Variants in GRM5 observed in about 807,000 individuals in gnomAD.
GRM5 encodes glutamate metabotropic receptor 5, also known as metabotropic glutamate receptor 5.
A neutral mutation model predicts 83.1 loss-of-function variants in GRM5; 19 were observed. That is an observed-to-expected ratio of 0.23 (90% CI 0.16 to 0.34). The LOEUF (loss-of-function observed/expected upper bound fraction) is 0.34. Ranked by LOEUF, GRM5 falls within the 10% of genes least tolerant of loss-of-function variation. GRM5 has a pLI of 1.00. For missense variants in GRM5, 1,160 were observed against 1,588.3 expected, an observed-to-expected ratio of 0.73 and a Z score of 4.58; for synonymous variants, 675 against 633.6, an observed-to-expected ratio of 1.07 and a Z score of -0.98.
At chr11:88,678,486 C>T (rs1014163015) in intron 3 of GRM5, among the ~76,000 whole-genome samples, 1 of 152,104 alleles carries the variant, frequency 6.6e-6, no homozygotes, top group Admixed American at 6.6e-5. Context: ...AACCTTTCAA[C>T]ATAGGTTAGC....
intron 2 of GRM5, among the ~76,000 whole-genome samples, chr11:88,875,236 C>T (rs1944831823): frequency 6.6e-6 from 1 of 151,996 alleles, no homozygotes; most frequent in African/African-American, 2.4e-5. Flanking sequence ...AAATCATTCT[C>T]ATTTCATCAA....
intron 2 of GRM5, among the ~76,000 whole-genome samples, chr11:88,968,541 T>G (rs1311833140): frequency 1.3e-5 from 2 of 151,994 alleles, no homozygotes; most frequent in Non-Finnish European, 2.9e-5. Flanking sequence ...ATAAAAAACT[T>G]AGCTGGGTGT....
intron 3 of GRM5, among the ~76,000 whole-genome samples, chr11:88,709,180 T>C (rs1480300938): frequency 6.6e-6 from 1 of 151,928 alleles, no homozygotes; most frequent in East Asian, 1.9e-4. Context: ...AGGAGTTGCT[T>C]AGTGATATGG....
At chr11:88,766,118 T>C (rs1250769479) in intron 3 of GRM5, among the ~76,000 whole-genome samples, 2 of 151,920 alleles carry the variant, frequency 1.3e-5, no homozygotes, top group African/African-American at 4.8e-5. Flanking sequence ...ATTATTAAAA[T>C]GGCCATATTG....
At chr11:88,889,239 T>C (rs999588406) in intron 2 of GRM5, among the ~76,000 whole-genome samples, 6 of 152,132 alleles carry the variant, frequency 3.9e-5, no homozygotes, top group Admixed American at 1.3e-4. Context: ...AAGAGGAAAG[T>C]ATATTTTAAG....
intron 8 of GRM5, among the ~76,000 whole-genome samples, chr11:88,564,910 C>T (rs1252197019): frequency 2.0e-5 from 3 of 152,114 alleles, no homozygotes; most frequent in Non-Finnish European, 4.4e-5. Flanking sequence ...GTTTGTGCTG[C>T]CGTTTATAGT....
chr11:89,020,840 C>A (rs1591054128), intron 2 of GRM5, among the ~76,000 whole-genome samples: 2 of 152,132 alleles, frequency 1.3e-5, no homozygotes, highest in South Asian at 4.1e-4. Flanking sequence ...TCTCAAATAT[C>A]CTTCCATGTA....
chr11:88,763,307 G>T (rs1054095307), intron 3 of GRM5, among the ~76,000 whole-genome samples: 2 of 151,694 alleles, frequency 1.3e-5, no homozygotes, highest in African/African-American at 4.8e-5. Context: ...AGGGACACTA[G>T]ATAATAACTC....
intron 2 of GRM5, among the ~76,000 whole-genome samples, chr11:88,877,796 C>G (rs603589): frequency 0.3 from 44,454 of 147,444 alleles, 6,898 homozygotes; most frequent in South Asian, 0.52. Context: ...TGCTGCTGCA[C>G]TTTAGCCTAG....
At position 88,567,099 on chromosome 11, in the gene GRM5, G is replaced by T. The variant is rs201352068; in HGVS notation, c.2584C>A (p.Leu862Ile). 1.7e-5 allele frequency: 28 copies of T among 1,613,860 alleles called. No individual in the cohort carries two copies. The East Asian group carries it at 2.0e-4, about 12-fold the overall frequency. Residue 862 changes from leucine (L) to isoleucine (I), a missense_variant, in exon 8 of 10, where the codon CTA becomes ATA. This residue lies in a region of GRM5 where 562 missense variants were observed against 532.4 expected (regional missense o/e 1.06). Coordinates refer to ENST00000305447, the MANE Select transcript of GRM5 (RefSeq NM_001143831.3). The surrounding 1 kb of genome is among the most constrained non-coding windows in gnomAD (Gnocchi z 7.3). Reference protein sequence around the residue: ...SSSAASRSSSLVNLWKRRGSS... With the variant: ...SSSAASRSSSIVNLWKRRGSS... ...CCCCTTCTCTTCCACAGGTTGACTA[G>T]GCTGCTGGATCTGCTGGCTGCGGAG...
chr11:88,944,532 C>T (rs534250648), intron 2 of GRM5, among the ~76,000 whole-genome samples: 17 of 151,834 alleles, frequency 1.1e-4, no homozygotes, highest in South Asian at 6.2e-4. Flanking sequence ...CTAAAACCTA[C>T]GTGCCTTTTT....
chr11:88,585,508 C>A (rs1325217948), intron 7 of GRM5, among the ~76,000 whole-genome samples: 2 of 152,112 alleles, frequency 1.3e-5, no homozygotes, highest in Admixed American at 6.5e-5. Flanking sequence ...CAAAAGGTGG[C>A]CTTTGCTTTC....
chr11:88,954,482 C>T (rs573132291), intron 2 of GRM5, among the ~76,000 whole-genome samples: 8 of 152,056 alleles, frequency 5.3e-5, no homozygotes, highest in East Asian at 1.9e-4. Context: ...AAAGGATAAA[C>T]GTTTATTTAA....
chr11:88,776,752 T>G (rs1469051169), intron 3 of GRM5, among the ~76,000 whole-genome samples: 3 of 152,212 alleles, frequency 2.0e-5, no homozygotes, highest in African/African-American at 4.8e-5. Flanking sequence ...TCTTTAAGAA[T>G]GTTGAATATT....
chr11:89,021,309 T>C (rs1440623554), intron 2 of GRM5, among the ~76,000 whole-genome samples: 1 of 152,158 alleles, frequency 6.6e-6, no homozygotes, highest in African/African-American at 2.4e-5. Flanking sequence ...GGTCACTCCA[T>C]CACCTGCACA....
intron 3 of GRM5, among the ~76,000 whole-genome samples, chr11:88,740,690 G>GT (rs1350819205): frequency 2.6e-5 from 4 of 151,988 alleles, no homozygotes; most frequent in Admixed American, 2.6e-4. Flanking sequence ...AATCTAATAA[G>GT]GCTTCGTGAG....
At chr11:88,820,162 T>C (rs1467741400) in intron 3 of GRM5, among the ~76,000 whole-genome samples, 5 of 150,990 alleles carry the variant, frequency 3.3e-5, no homozygotes, top group African/African-American at 9.8e-5. Context: ...AGGCAGATCA[T>C]GAGGACAGGA....
intron 3 of GRM5, among the ~76,000 whole-genome samples, chr11:88,803,861 G>A (rs374455917): frequency 0.034 from 5,194 of 152,088 alleles, 245 homozygotes; most frequent in Admixed American, 0.15. Context: ...CAACCCCATC[G>A]AAAAGTGGGC....
At chr11:88,742,066 C>G (rs1942041102) in intron 3 of GRM5, among the ~76,000 whole-genome samples, 1 of 151,876 alleles carries the variant, frequency 6.6e-6, no homozygotes, top group African/African-American at 2.4e-5. Flanking sequence ...GGCTGTGCCA[C>G]AGATATTTAT....
Sources: allele counts gnomAD v4.1 joint callset (sites outside exome capture counted in the v4.1 genomes callset), GRCh38; gene constraint gnomAD v4.1.1; regional missense constraint gnomAD v4.1.1; non-coding constraint Gnocchi (gnomAD v3.1); transcripts MANE v1.5; gene names NCBI Gene and HGNC (gene_info 2026-07-23, HGNC 2026-07-21).